The following BBS9 variants were observed in gnomAD, a reference collection of about 807,000 sequenced individuals.
BBS9 encodes the protein Bardet-Biedl syndrome 9.
A neutral mutation model predicts 117.7 loss-of-function variants in BBS9; 89 were observed. The observed-to-expected ratio is 0.76, with a 90% CI of 0.64 to 0.90. BBS9 has a LOEUF of 0.90. Ranked by LOEUF, BBS9 falls within the 40% of genes least tolerant of loss-of-function variation. The pLI, the probability that BBS9 is intolerant of heterozygous loss-of-function variation, is 0.00. For missense variants in BBS9, 982 were observed against 1,042.2 expected (o/e 0.94, Z 0.80); for synonymous variants, 379 against 370.9 (o/e 1.02, Z -0.25).
intron 21 of BBS9, among the ~76,000 whole-genome samples, chr7:33,559,280 T>C (rs1164712340): frequency 6.6e-6 from 1 of 152,210 alleles, no homozygotes; most frequent in Non-Finnish European, 1.5e-5. Flanking sequence ...CCGCAGGGTA[T>C]TTGATGAAGA....
intron 19 of BBS9, among the ~76,000 whole-genome samples, chr7:33,487,705 A>T (rs929760067): frequency 6.6e-6 from 1 of 152,088 alleles, no homozygotes; most frequent in African/African-American, 2.4e-5. Flanking sequence ...GGGGCCTCTC[A>T]TCCCAGTAAT....
chr7:33,472,977 C>A (rs1462431760), intron 19 of BBS9, among the ~76,000 whole-genome samples: 1 of 152,176 alleles, frequency 6.6e-6, no homozygotes, highest in Non-Finnish European at 1.5e-5. Flanking sequence ...TGATCTAGTT[C>A]CTGGATCCAA....
intron 9 of BBS9, among the ~76,000 whole-genome samples, chr7:33,306,105 T>C (rs1282221541): frequency 1.3e-5 from 2 of 152,116 alleles, no homozygotes; most frequent in African/African-American, 4.8e-5. Context: ...TTCATTATCA[T>C]TTGTTTCAAG....
intron 5 of BBS9, among the ~76,000 whole-genome samples, chr7:33,250,987 G>T (rs1796128487): frequency 6.6e-6 from 1 of 152,186 alleles, no homozygotes; most frequent in Non-Finnish European, 1.5e-5. Flanking sequence ...CAGATGGTGG[G>T]TGATTGAAGC....
chr7:33,416,232 C>T (rs190524977), intron 19 of BBS9, among the ~76,000 whole-genome samples: 284 of 151,614 alleles, frequency 1.9e-3, no homozygotes, highest in African/African-American at 6.5e-3. Context: ...CCTGGCCATA[C>T]GGGACCTGCA....
chr7:33,216,292 GTAGC>G (rs1473328492), intron 5 of BBS9, among the ~76,000 whole-genome samples: 1 of 152,170 alleles, frequency 6.6e-6, no homozygotes, highest in African/African-American at 2.4e-5. Flanking sequence ...TCTTCCATTA[GTAGC>G]AGAAATTCTT....
chr7:33,363,184 C>G (rs182360462), intron 16 of BBS9, among the ~76,000 whole-genome samples: 1 of 152,038 alleles, frequency 6.6e-6, no homozygotes. Context: ...CTCACTGCAC[C>G]CTTCGCCTCC....
chr7:33,440,530 G>A (rs1171180793), intron 19 of BBS9, among the ~76,000 whole-genome samples: 1 of 152,184 alleles, frequency 6.6e-6, no homozygotes, highest in African/African-American at 2.4e-5. Context: ...GCACATGGAA[G>A]GTCATGGGCC....
chr7:33,613,412 T>A (rs1036617839), intron 21 of BBS9, among the ~76,000 whole-genome samples: 8 of 152,054 alleles, frequency 5.3e-5, no homozygotes, highest in African/African-American at 1.9e-4. Flanking sequence ...CTTCAAAGTT[T>A]GTATATTTTC....
At chr7:33,534,899 G>C (rs1851137491) in intron 21 of BBS9, among the ~76,000 whole-genome samples, 1 of 152,212 alleles carries the variant, frequency 6.6e-6, no homozygotes, top group Non-Finnish European at 1.5e-5. Flanking sequence ...TGATGCAGCA[G>C]CTATAGCATC....
intron 7 of BBS9, among the ~76,000 whole-genome samples, chr7:33,270,972 G>A (rs986046281): frequency 2.0e-5 from 3 of 152,158 alleles, no homozygotes; most frequent in Admixed American, 6.5e-5. Flanking sequence ...GAAAGGTCAG[G>A]TTACCTCCAA....
At chr7:33,542,576 T>C (rs999298612) in intron 21 of BBS9, among the ~76,000 whole-genome samples, 5 of 152,156 alleles carry the variant, frequency 3.3e-5, no homozygotes, top group Admixed American at 2.6e-4. Context: ...TGAAAACATA[T>C]GATGTTTGGT....
intron 21 of BBS9, among the ~76,000 whole-genome samples, chr7:33,538,635 G>T (rs1851820818): frequency 1.3e-5 from 2 of 152,096 alleles, no homozygotes; most frequent in South Asian, 4.2e-4. Flanking sequence ...TTGTCAGTAT[G>T]ATTTAACTGT....
intron 22 of BBS9, 89 bp from the exon 23 acceptor site, chr7:33,605,106 A>C: frequency 6.8e-7 from 1 of 1,475,394 alleles, no homozygotes. Flanking sequence ...TCCCCTTAGC[A>C]CTGGTGCAGC....
intron 21 of BBS9, among the ~76,000 whole-genome samples, chr7:33,623,268 T>C (rs1325250728): frequency 6.6e-6 from 1 of 151,704 alleles, no homozygotes; most frequent in Non-Finnish European, 1.5e-5. Flanking sequence ...AAACAATTAA[T>C]ATGCTAAAAT....
At chr7:33,586,333 A>C (rs1253826980) in intron 21 of BBS9, among the ~76,000 whole-genome samples, 1 of 152,080 alleles carries the variant, frequency 6.6e-6, no homozygotes, top group Non-Finnish European at 1.5e-5. Context: ...CCAAAACCAC[A>C]ATGGGATACC....
chr7:33,602,477 C>T (rs1042874139), intron 21 of BBS9, among the ~76,000 whole-genome samples: 1 of 152,094 alleles, frequency 6.6e-6, no homozygotes. Flanking sequence ...GCCTGTAATC[C>T]CAGCACTTTG....
At chr7:33,585,909 C>T (rs1416904272) in intron 21 of BBS9, among the ~76,000 whole-genome samples, 10 of 152,008 alleles carry the variant, frequency 6.6e-5, no homozygotes, top group African/African-American at 2.4e-4. Context: ...GACCTGGGCT[C>T]TACTCCTAAC....
intron 9 of BBS9, among the ~76,000 whole-genome samples, chr7:33,334,400 C>A (rs77837594): frequency 0.035 from 5,290 of 152,198 alleles, 136 homozygotes; most frequent in Non-Finnish European, 0.054. Context: ...GAAGCCCCCC[C>A]CAGAGGTCTG....
Sources: allele counts gnomAD v4.1 joint callset (sites outside exome capture counted in the v4.1 genomes callset), GRCh38; gene constraint gnomAD v4.1.1; transcripts MANE v1.5; gene names NCBI Gene and HGNC (gene_info 2026-07-23, HGNC 2026-07-21).